Variants in BEND7 observed in about 807,000 individuals in gnomAD.
The protein encoded by BEND7 is BEN domain containing 7.
In BEND7, 28 loss-of-function variants were observed where a neutral mutation model predicts 50.9. The ratio of observed to expected loss-of-function variants is 0.55; its 90% CI spans 0.41 to 0.75. The LOEUF (loss-of-function observed/expected upper bound fraction) is 0.75, where lower values mean the gene tolerates loss of function less well. Ranked by LOEUF, BEND7 falls within the 30% of genes least tolerant of loss-of-function variation. BEND7 has a pLI of 0.00. For missense variants in BEND7, 477 were observed against 491.3 expected, an observed-to-expected ratio of 0.97 and a Z score of 0.28; for synonymous variants, 170 against 183.9, an observed-to-expected ratio of 0.92 and a Z score of 0.61.
At chr10:13,489,693 A>G (rs2076511552) in intron 5 of BEND7, among the ~76,000 whole-genome samples, 1 of 152,186 alleles carries the variant, frequency 6.6e-6, no homozygotes, top group East Asian at 1.9e-4. Flanking sequence ...CAAACAGTAT[A>G]GAAGTTCTAT....
chr10:13,451,855 T>C lies in BEND7; in HGVS notation c.1183+684A>G, dbSNP rs901385480. On this transcript the variant is annotated intron_variant, in intron 7 of 8. Transcript: ENST00000466271. Reference sequence around the variant, plus strand: ...ATTCCCACCTATGAGTGAGAACATGTGGTGTTTGAGATAGTTATTCTTATT... The same window carrying C: ...ATTCCCACCTATGAGTGAGAACATGCGGTGTTTGAGATAGTTATTCTTATT... Among the ~76,000 whole-genome samples the C allele has an allele frequency of 6.1e-5, 9 of 148,758 alleles. No homozygotes were observed. In the South Asian group the frequency reaches 1.7e-3, roughly 28 times the overall value.
chr10:13,472,005 C>A (rs1018619350), intron 6 of BEND7, among the ~76,000 whole-genome samples: 2 of 151,308 alleles, frequency 1.3e-5, no homozygotes, highest in South Asian at 4.3e-4. Context: ...GGGGTCGATA[C>A]CCGTCACCAC....
rs551888296 is a variant in BEND7, at chr10:13,458,834, G to A, written c.1064-6176C>T. On this transcript the variant is annotated intron_variant, in intron 6 of 8. Transcript: ENST00000466271. ...AGCCCGCCCACACATCTGAGTGAGC[G>A]GACCACAACCAGGGTCCCTCCCACT... 5.3e-5 allele frequency among the ~76,000 whole-genome samples: 8 copies of A among 152,138 alleles called. No individual in the cohort carries two copies. In the South Asian group the frequency reaches 8.3e-4, roughly 16 times the overall value.
chr10:13,492,617 G>A lies in BEND7; in HGVS notation c.831C>T (p.Ser277=), dbSNP rs144031586. ...CCAGAAAATGGCAACTTACATCTGA[G>A]GAAGGTGATTCCAGAACAATGCCGA... ...LGFGIVLESP[S]SDPEVQLAEG... The change falls in exon 5 of 9, where the codon TCC becomes TCT. Residue 277 remains serine, a synonymous_variant. Coordinates refer to ENST00000466271, the MANE Select transcript of BEND7 (RefSeq NM_001369863.1). 1.5e-4 allele frequency: 244 copies of A among 1,613,658 alleles called. 1 individual carries two copies. In the African/African-American group the frequency reaches 3.0e-3, roughly 20 times the overall value.
chr10:13,439,142 T>TAC (rs1334781324), downstream of BEND7: 4 of 1,531,520 alleles, frequency 2.6e-6, no homozygotes, highest in South Asian at 1.2e-5. Context: ...AGATGGGTGA[T>TAC]ACACACACAC....
At chr10:13,483,329 G>A (rs1013525425) in intron 5 of BEND7, among the ~76,000 whole-genome samples, 2 of 152,086 alleles carry the variant, frequency 1.3e-5, no homozygotes, top group African/African-American at 2.4e-5. Flanking sequence ...TTCTTCATGC[G>A]CTCATACTGT....
intron 2 of BEND7, among the ~76,000 whole-genome samples, chr10:13,501,374 CAAAAA>C (rs58905816): frequency 1.4e-5 from 1 of 72,968 alleles, no homozygotes; most frequent in Non-Finnish European, 2.6e-5. Flanking sequence ...AACTCCATCT[CAAAAA>C]AAAAAAAAAA....
chr10:13,527,576 T>C (rs2079516086), intron 1 of BEND7, among the ~76,000 whole-genome samples: 1 of 152,216 alleles, frequency 6.6e-6, no homozygotes, highest in African/African-American at 2.4e-5. Context: ...TGACCTCAAC[T>C]TGATTAAAAG....
In BEND7 at chr10:13,492,118, T is replaced by C. The variant is rs190159209; in HGVS notation, c.837+493A>G. On this transcript the variant is annotated intron_variant, in intron 5 of 8. Coordinates refer to ENST00000466271, the MANE Select transcript of BEND7 (RefSeq NM_001369863.1). ...CCTTTGCAGAGCCTTAACCTATCAT[T>C]ACACGGAGTAAATGGCATGGCGCTG... Among the ~76,000 whole-genome samples the C allele has an allele frequency of 8.5e-5, 13 of 152,104 alleles. 1 individual carries two copies. The highest frequency in any genetic ancestry group is 6.3e-3 in the Middle Eastern group (2 of 316).
At chr10:13,476,790 T>C (rs2075478539) in intron 6 of BEND7, among the ~76,000 whole-genome samples, 1 of 152,216 alleles carries the variant, frequency 6.6e-6, no homozygotes, top group Non-Finnish European at 1.5e-5. Context: ...CACTAAGCTT[T>C]ATCCCCAGCA....
chr10:13,481,864 G>A (rs10906390), intron 5 of BEND7, among the ~76,000 whole-genome samples: 81,538 of 152,120 alleles, frequency 0.54, 22,697 homozygotes, highest in East Asian at 0.76. Context: ...CGGAATCAGA[G>A]GACGTCCAAG....
chr10:13,474,560 C>T (rs528419696), intron 6 of BEND7, among the ~76,000 whole-genome samples: 3 of 151,104 alleles, frequency 2.0e-5, no homozygotes, highest in East Asian at 2.0e-4. Flanking sequence ...GGTTGATACC[C>T]GTCACCGCTG....
intron 2 of BEND7, among the ~76,000 whole-genome samples, chr10:13,510,708 T>A (rs1589023392): frequency 6.6e-6 from 1 of 152,214 alleles, no homozygotes. Context: ...TGGTTCCAAA[T>A]AGGCAGTCAA....
chr10:13,527,275 G>T (rs1442705603), intron 1 of BEND7, among the ~76,000 whole-genome samples: 1 of 152,168 alleles, frequency 6.6e-6, no homozygotes, highest in East Asian at 1.9e-4. Flanking sequence ...TTTTGAATGC[G>T]TGAAACTATT....
intron 6 of BEND7, among the ~76,000 whole-genome samples, chr10:13,465,944 T>C (rs760533839): frequency 6.6e-6 from 1 of 152,132 alleles, no homozygotes; most frequent in Non-Finnish European, 1.5e-5. Flanking sequence ...TTCTTTGTCT[T>C]CCTTCAGTTT....
At chr10:13,466,003 A>G (rs2074214702) in intron 6 of BEND7, among the ~76,000 whole-genome samples, 1 of 152,180 alleles carries the variant, frequency 6.6e-6, no homozygotes, top group Admixed American at 6.5e-5. Context: ...AAGTGCTGAT[A>G]GTGGTTTCTC....
chr10:13,470,115 G>A (rs1267971457), intron 6 of BEND7, among the ~76,000 whole-genome samples: 1 of 152,216 alleles, frequency 6.6e-6, no homozygotes, highest in Non-Finnish European at 1.5e-5. Flanking sequence ...ACCTTAGGAT[G>A]CTGGTGAGCA....
intron 8 of BEND7, chr10:13,443,011 C>A (rs1001341999): frequency 6.6e-6 from 1 of 152,140 alleles, no homozygotes; most frequent in African/African-American, 2.4e-5. Context: ...AAAATAAATA[C>A]GTTTCAAAGC....
At chr10:13,492,531 A>G in intron 5 of BEND7, 80 bp downstream of exon 5, 1 of 1,538,960 alleles carries the variant, frequency 6.5e-7, no homozygotes, top group East Asian at 2.3e-5. Flanking sequence ...TCTAGTTGTC[A>G]AAAGGGAAAT....
Sources: gnomAD v4.1 joint callset for allele counts (sites outside exome capture counted in the v4.1 genomes callset) on GRCh38, gnomAD v4.1.1 for gene constraint, MANE v1.5 for transcripts, NCBI Gene and HGNC (gene_info 2026-07-23, HGNC 2026-07-21) for gene names.